The following HCRTR2 variants were observed in gnomAD, a reference collection of about 807,000 sequenced individuals.
The protein encoded by HCRTR2 is hypocretin receptor 2.
HCRTR2 carries 22 observed loss-of-function variants against 49.0 expected under a neutral mutation model. The observed-to-expected ratio is 0.45, with a 90% CI of 0.32 to 0.64. The LOEUF is 0.64. Among genes scored for constraint, HCRTR2 ranks in the 30% least tolerant of loss-of-function variants. The pLI, the probability that HCRTR2 is intolerant of heterozygous loss-of-function variation, is 0.04. For synonymous variants in HCRTR2, 236 were observed against 205.3 expected (o/e 1.15, Z -1.28); for missense variants, 491 against 559.4 (o/e 0.88, Z 1.23).
Position 55,267,511 on chromosome 6 carries a change from T to G in HCRTR2, c.762+3689T>G, listed in dbSNP as rs185630445. Among the ~76,000 whole-genome samples, 76 of 151,888 alleles carry G rather than the reference T, an allele frequency of 5.0e-4. No individual in the cohort carries two copies. The East Asian group carries it at 0.012, about 23-fold the overall frequency. ...GAACTTAGCTTGCTTGACTCTTTCATTTATCTGTCAGCATTTTTTCTAGTT... is the reference window on the plus strand; with the variant it reads ...GAACTTAGCTTGCTTGACTCTTTCAGTTATCTGTCAGCATTTTTTCTAGTT... On this transcript the variant is annotated intron_variant, in intron 4 of 6. Coordinates refer to ENST00000370862, the MANE Select transcript of HCRTR2 (RefSeq NM_001384272.1).
intron 1 of HCRTR2, among the ~76,000 whole-genome samples, chr6:55,154,251 A>G (rs1396623518): frequency 1.3e-5 from 2 of 151,962 alleles, no homozygotes; most frequent in Non-Finnish European, 2.9e-5. Flanking sequence ...AGAAAGAGGG[A>G]ATATTTTCAA....
At chr6:55,118,824 C>A (rs1764155660) in intron 1 of HCRTR2, among the ~76,000 whole-genome samples, 1 of 151,566 alleles carries the variant, frequency 6.6e-6, no homozygotes. Flanking sequence ...TTCTGGAGTA[C>A]ATGTGCAGAA....
At chr6:55,190,467 A>G (rs1398233727) in intron 1 of HCRTR2, among the ~76,000 whole-genome samples, 4 of 152,174 alleles carry the variant, frequency 2.6e-5, no homozygotes, top group Non-Finnish European at 5.9e-5. Flanking sequence ...TAAATTTGAT[A>G]TAGTACAGGT....
chr6:55,267,944 C>T (rs1008407878), intron 4 of HCRTR2, among the ~76,000 whole-genome samples: 2 of 151,958 alleles, frequency 1.3e-5, no homozygotes, highest in Non-Finnish European at 2.9e-5. Flanking sequence ...ATACTGTAGA[C>T]AGAATAAACA....
intron 1 of HCRTR2, among the ~76,000 whole-genome samples, chr6:55,144,096 T>C (rs1232137183): frequency 2.2e-5 from 3 of 133,918 alleles, no homozygotes; most frequent in African/African-American, 5.5e-5. Flanking sequence ...TTTCCCGTCC[T>C]GCCTTTTTTT....
intron 1 of HCRTR2, among the ~76,000 whole-genome samples, chr6:55,229,659 T>C (rs1766077405): frequency 6.6e-6 from 1 of 152,228 alleles, no homozygotes; most frequent in Non-Finnish European, 1.5e-5. Flanking sequence ...TGCATGATTC[T>C]ACTTACATTA....
chr6:55,222,305 A>T (rs1765914060), intron 1 of HCRTR2, among the ~76,000 whole-genome samples: 2 of 63,766 alleles, frequency 3.1e-5, no homozygotes, highest in Admixed American at 1.2e-4. Flanking sequence ...AAAGAGAATT[A>T]AAAAAAAAAA....
At chr6:55,220,025 A>G (rs978851291) in intron 1 of HCRTR2, among the ~76,000 whole-genome samples, 4 of 152,120 alleles carry the variant, frequency 2.6e-5, no homozygotes, top group African/African-American at 7.2e-5. Flanking sequence ...CAGATCTGTA[A>G]CTAGTAAGGA....
chr6:55,110,071 C>T (rs1377773085), intron 1 of HCRTR2, among the ~76,000 whole-genome samples: 1 of 152,060 alleles, frequency 6.6e-6, no homozygotes, highest in African/African-American at 2.4e-5. Flanking sequence ...TATATTTAGC[C>T]TCCTACAACA....
chr6:55,176,379 T>G (rs1396811612), intron 1 of HCRTR2, among the ~76,000 whole-genome samples: 2 of 152,220 alleles, frequency 1.3e-5, no homozygotes, highest in African/African-American at 4.8e-5. Context: ...AGGATTCTTG[T>G]TATAAGCATA....
At chr6:55,111,473 A>G (rs931434164) in intron 1 of HCRTR2, among the ~76,000 whole-genome samples, 2 of 152,002 alleles carry the variant, frequency 1.3e-5, no homozygotes, top group Admixed American at 6.6e-5. Flanking sequence ...AAGATATTAA[A>G]ACTGATACCA....
At chr6:55,257,639 A>G (rs1766678308) in intron 3 of HCRTR2, among the ~76,000 whole-genome samples, 1 of 151,888 alleles carries the variant, frequency 6.6e-6, no homozygotes, top group Non-Finnish European at 1.5e-5. Flanking sequence ...ATGATTTTTA[A>G]ATTACCTCTG....
chr6:55,168,361 C>T (rs1764905564), intron 1 of HCRTR2, among the ~76,000 whole-genome samples: 1 of 151,960 alleles, frequency 6.6e-6, no homozygotes, highest in African/African-American at 2.4e-5. Flanking sequence ...AGAATTAAAA[C>T]TATCATTAGT....
At chr6:55,192,409 GCGCGCACACACA>G (rs1161096361) in intron 1 of HCRTR2, among the ~76,000 whole-genome samples, 18 of 114,044 alleles carry the variant, frequency 1.6e-4, no homozygotes, top group Admixed American at 3.3e-4. Flanking sequence ...ACACGCGCGC[GCGCGCACACACA>G]CACACACACA....
chr6:55,249,718 T>C (rs571364935), intron 2 of HCRTR2, among the ~76,000 whole-genome samples: 8 of 152,118 alleles, frequency 5.3e-5, no homozygotes, highest in Non-Finnish European at 1.0e-4. Flanking sequence ...GAGATTAGTG[T>C]TCTGATTGTT....
At chr6:55,119,213 G>A (rs1355462536) in intron 1 of HCRTR2, among the ~76,000 whole-genome samples, 1 of 152,080 alleles carries the variant, frequency 6.6e-6, no homozygotes, top group Admixed American at 6.6e-5. Context: ...TTGGTTCCAA[G>A]TCTTGGCTAT....
In HCRTR2 at chr6:55,245,503, A is replaced by ATATATATC. The variant is rs1402605395; in HGVS notation, c.224-3133_224-3132insATATCTAT. ...TATATATATATATATATATATATAT[A>ATATATATC]TATCTTCCCCAAAAGTGTGCCTTGG... is the stretch of plus-strand genomic sequence containing the variant. On this transcript the variant is annotated intron_variant, in intron 1 of 6. Coordinates refer to ENST00000370862, the MANE Select transcript of HCRTR2 (RefSeq NM_001384272.1). 1.6e-3 allele frequency among the ~76,000 whole-genome samples: 205 copies of ATATATATC among 124,522 alleles called. 3 individuals carry two copies. The highest frequency in any genetic ancestry group is 5.5e-3 in the South Asian group (22 of 4,026). The allele number at this position is 124,522 out of a possible 152,430, so 81.7% of individuals were successfully genotyped here.
chr6:55,162,289 C>G (rs1176024847), intron 1 of HCRTR2, among the ~76,000 whole-genome samples: 1 of 152,090 alleles, frequency 6.6e-6, no homozygotes, highest in Non-Finnish European at 1.5e-5. Context: ...ATTTAACAGC[C>G]CTTCATGCTA....
At chr6:55,270,609 G>A (rs542041706) in intron 4 of HCRTR2, among the ~76,000 whole-genome samples, 37 of 152,228 alleles carry the variant, frequency 2.4e-4, no homozygotes, top group African/African-American at 3.4e-4. Context: ...GTGACAGGTC[G>A]TGTCAAAAGT....
Sources: allele counts gnomAD v4.1 joint callset (sites outside exome capture counted in the v4.1 genomes callset), GRCh38; gene constraint gnomAD v4.1.1; transcripts MANE v1.5; gene names NCBI Gene and HGNC (gene_info 2026-07-23, HGNC 2026-07-21).